The following UBE2O variants were observed in gnomAD, a reference collection of about 807,000 sequenced individuals.
UBE2O encodes ubiquitin conjugating enzyme E2 O, also known as (E3-independent) E2 ubiquitin-conjugating enzyme.
UBE2O carries 15 observed loss-of-function variants against 125.8 expected under a neutral mutation model. The observed-to-expected ratio is 0.12, with a 90% CI of 0.08 to 0.18. UBE2O has a LOEUF of 0.18. Among genes scored for constraint, UBE2O ranks in the 10% least tolerant of loss-of-function variants. The pLI is 1.00. For missense variants in UBE2O, 1,280 were observed against 1,723.6 expected (o/e 0.74, Z 4.56); for synonymous variants, 708 against 703.2 (o/e 1.01, Z -0.11).
rs1471879839 is a variant in UBE2O, at chr17:76,452,570, T to C, written c.417+155A>G. ...GTGCGCCCAGAGCTGCTGCAATGAC[T>C]TTGCATGGAGTGTACCCTCCACTGG... On this transcript the variant is annotated intron_variant, in intron 1 of 17. Transcript: ENST00000319380. The surrounding 1 kb of genome is among the most constrained non-coding windows in gnomAD (Gnocchi z 4.4). Among the ~76,000 whole-genome samples, 1 of 152,128 alleles carries C rather than the reference T, an allele frequency of 6.6e-6. No homozygotes were observed. The highest frequency in any genetic ancestry group is 6.5e-5 in the Admixed American group (1 of 15,288).
At chr17:76,434,157 T>C (rs1486517683) in intron 1 of UBE2O, among the ~76,000 whole-genome samples, 1 of 152,136 alleles carries the variant, frequency 6.6e-6, no homozygotes, top group African/African-American at 2.4e-5. Flanking sequence ...GGCCTGACTA[T>C]AAAATAAGGG....
In UBE2O at chr17:76,390,814, T is replaced by G; in HGVS notation, c.*129A>C. 1.1e-6 allele frequency: 1 copy of G among 912,472 alleles called. No homozygotes were observed. Among genetic ancestry groups the G allele is most frequent in the Non-Finnish European group, 1.6e-6 (1 of 613,012 alleles). 56.5% of individuals were successfully genotyped at this position (912,472 alleles called of 1,614,324 possible). A position where few individuals can be genotyped will look rare whatever the true frequency, so the allele number is the denominator to read the frequency against. On this transcript the variant is annotated 3_prime_UTR_variant, in exon 18 of 18. Transcript: ENST00000319380. Reference sequence around the variant, plus strand: ...TTGCACTTCAGCATCAAACTCACCTTGGGGAGAAGAGGGCAGTGGGTTTGC... The same window carrying G: ...TTGCACTTCAGCATCAAACTCACCTGGGGGAGAAGAGGGCAGTGGGTTTGC...
chr17:76,430,322 C>T (rs991187757), intron 1 of UBE2O: 1 of 153,394 alleles, frequency 6.5e-6, no homozygotes, highest in Non-Finnish European at 1.5e-5. Context: ...ACCATGTTTA[C>T]CTAAAGTATG....
intron 15 of UBE2O, 86 bp from the exon 16 acceptor site, chr17:76,392,199 C>T: frequency 1.2e-6 from 1 of 824,064 alleles, no homozygotes; most frequent in Non-Finnish European, 1.8e-6. Flanking sequence ...TGCACCTGCT[C>T]TTTCCCAGGA....
At chr17:76,446,381 G>A (rs1016093834) in intron 1 of UBE2O, among the ~76,000 whole-genome samples, 2 of 152,078 alleles carry the variant, frequency 1.3e-5, no homozygotes, top group African/African-American at 4.8e-5. Context: ...TGGATTCCAT[G>A]AGCCCCCATG....
chr17:76,442,623 A>C (rs759486941), intron 1 of UBE2O, among the ~76,000 whole-genome samples: 5 of 152,264 alleles, frequency 3.3e-5, no homozygotes, highest in African/African-American at 7.2e-5. Flanking sequence ...GAGGAAGGGA[A>C]CGGCACAATT....
intron 13 of UBE2O, among the ~76,000 whole-genome samples, 159 bp downstream of exon 13, chr17:76,397,640 G>C (rs73996365): frequency 0.025 from 3,773 of 152,334 alleles, 81 homozygotes; most frequent in African/African-American, 0.055. Context: ...CTGCAGGCCT[G>C]CACCAAGGGC....
In UBE2O at chr17:76,399,894, C is replaced by T; in HGVS notation, c.1183G>A (p.Val395Met). ...TCTGGGGAGCATGACATGATCCGCACAACCTGCTTCTTCAACAGGCGCTTC... is the reference window on the plus strand; with the variant it reads ...TCTGGGGAGCATGACATGATCCGCATAACCTGCTTCTTCAACAGGCGCTTC... ...KVKRLLKKQV[V>M]RIMSCSPDTQ... Residue 395 changes from valine to methionine, a missense_variant, in exon 9 of 18, where the codon GTG (valine) becomes ATG (methionine). Around this residue, in one of 10 missense-constraint regions of UBE2O, gnomAD observed 141 missense variants for 141.3 expected, o/e 1.00. Transcript: ENST00000319380. This position sits in a 1 kb window ranked among gnomAD's most constrained non-coding sequence, Gnocchi z 6.9. The T allele has an allele frequency of 1.9e-6, 3 of 1,609,164 alleles. No homozygotes were observed. Among genetic ancestry groups the T allele is most frequent in the Non-Finnish European group, 2.5e-6 (3 of 1,177,536 alleles).
In UBE2O at chr17:76,391,162, C is replaced by T. The variant is rs144152682; in HGVS notation, c.3660G>A (p.Ser1220=). ...SASRDHTDQT[S]ETAPDASVPP... Reference sequence around the variant, plus strand: ...GCACCGATGCGTCTGGTGCGGTCTCCGAAGTCTGGTCTGTGTGGTCCCTGC... The same window carrying T: ...GCACCGATGCGTCTGGTGCGGTCTCTGAAGTCTGGTCTGTGTGGTCCCTGC... Residue 1220 remains serine (S), a synonymous_variant, in exon 18 of 18, where the codon TCG becomes TCA. Transcript: ENST00000319380. The surrounding 1 kb of genome is among the most constrained non-coding windows in gnomAD (Gnocchi z 8.4). The T allele has an allele frequency of 2.5e-5, 40 of 1,613,630 alleles. No individual in the cohort carries two copies. The highest frequency in any genetic ancestry group is 1.7e-4 in the Admixed American group (10 of 59,972).
At chr17:76,447,198 G>A (rs923739029) in intron 1 of UBE2O, among the ~76,000 whole-genome samples, 3 of 152,246 alleles carry the variant, frequency 2.0e-5, no homozygotes, top group African/African-American at 2.4e-5. Flanking sequence ...ACTCGGTCAC[G>A]TATAGTAATG....
chr17:76,394,234 T>C (rs1450521096), intron 15 of UBE2O, among the ~76,000 whole-genome samples: 3 of 152,158 alleles, frequency 2.0e-5, no homozygotes, highest in African/African-American at 7.2e-5. Flanking sequence ...ACTCCCTTCC[T>C]TCCAGGACAG....
intron 3 of UBE2O, among the ~76,000 whole-genome samples, chr17:76,403,484 C>T (rs1442088056): frequency 6.6e-6 from 1 of 152,074 alleles, no homozygotes; most frequent in Non-Finnish European, 1.5e-5. Context: ...GTTGCCCAAG[C>T]TGGTCTTAAA....
Position 76,390,898 on chromosome 17 carries a change from G to C in UBE2O, c.*45C>G, listed in dbSNP as rs370813249. On this transcript the variant is annotated 3_prime_UTR_variant, in exon 18 of 18. Transcript: ENST00000319380. ...TTCCGGGGGGGAGTGAGCAGGCGGC[G>C]GCTGGCCTCTCCCACGGTGATGCTC... 2 of 1,540,716 alleles carry C rather than the reference G, an allele frequency of 1.3e-6. No homozygotes were observed. Among genetic ancestry groups the C allele is most frequent in the African/African-American group, 2.7e-5 (2 of 73,114 alleles).
intron 1 of UBE2O, among the ~76,000 whole-genome samples, chr17:76,413,338 G>A (rs564428449): frequency 2.6e-5 from 4 of 152,162 alleles, no homozygotes; most frequent in East Asian, 1.9e-4. Context: ...AAAAAGCTGC[G>A]GAAATCGTAG....
At chr17:76,413,823 A>C (rs990529901) in intron 1 of UBE2O, among the ~76,000 whole-genome samples, 2 of 152,208 alleles carry the variant, frequency 1.3e-5, no homozygotes, top group East Asian at 3.8e-4. Flanking sequence ...TAGGGTGAGG[A>C]ACTTTAACTT....
In UBE2O at chr17:76,410,473, C is replaced by T. The variant is rs1292434916; in HGVS notation, c.418-4901G>A. ...CGAAGAATGGCGTGGCCAACGCACCCGCAGTGCCACAGCTGAGAAGCCCTG... is the reference window on the plus strand; with the variant it reads ...CGAAGAATGGCGTGGCCAACGCACCTGCAGTGCCACAGCTGAGAAGCCCTG... On this transcript the variant is annotated intron_variant, in intron 1 of 17. Coordinates refer to ENST00000319380, the MANE Select transcript of UBE2O (RefSeq NM_022066.4). This position sits in a 1 kb window ranked among gnomAD's most constrained non-coding sequence, Gnocchi z 4.0. Among the ~76,000 whole-genome samples the T allele has an allele frequency of 6.6e-6, 1 of 152,086 alleles. No homozygotes were observed. The highest frequency in any genetic ancestry group is 1.5e-5 in the Non-Finnish European group (1 of 68,024).
Position 76,389,955 on chromosome 17 carries a change from A to C in UBE2O, c.*988T>G, listed in dbSNP as rs2072074595. The C allele has an allele frequency of 6.6e-6, 1 of 152,454 alleles. No individual in the cohort carries two copies. Among genetic ancestry groups the C allele is most frequent in the Non-Finnish European group, 1.5e-5 (1 of 68,018 alleles). 9.4% of individuals were successfully genotyped at this position (152,454 alleles called of 1,614,324 possible). On this transcript the variant is annotated 3_prime_UTR_variant, in exon 18 of 18. Coordinates refer to ENST00000319380, the MANE Select transcript of UBE2O (RefSeq NM_022066.4). Reference sequence around the variant, plus strand: ...CTTCACATTATCAAAAGCTTAGAAAACTTGTAAACCTCTGGGCCTGTCTCT... The same window carrying C: ...CTTCACATTATCAAAAGCTTAGAAACCTTGTAAACCTCTGGGCCTGTCTCT...
intron 1 of UBE2O, among the ~76,000 whole-genome samples, chr17:76,415,795 C>CTGTGTGTGTGTGTGTGTG (rs34127040): frequency 2.8e-5 from 4 of 143,200 alleles, no homozygotes; most frequent in East Asian, 2.1e-4. Flanking sequence ...CAGAGCAAGA[C>CTGTGTGTGTGTGTGTGTG]TGTGTGTGTG....
chr17:76,443,352 G>A (rs921785333), intron 1 of UBE2O, among the ~76,000 whole-genome samples: 4 of 152,118 alleles, frequency 2.6e-5, no homozygotes, highest in Admixed American at 1.3e-4. Flanking sequence ...GCCGGGGCAC[G>A]ATCTCGGCTC....
Sources: allele counts gnomAD v4.1 joint callset (sites outside exome capture counted in the v4.1 genomes callset), GRCh38; gene constraint gnomAD v4.1.1; regional missense constraint gnomAD v4.1.1; non-coding constraint Gnocchi (gnomAD v3.1); transcripts MANE v1.5; gene names NCBI Gene and HGNC (gene_info 2026-07-23, HGNC 2026-07-21).